Variants in DOCK2 observed in about 807,000 individuals in gnomAD.
DOCK2 encodes the protein dedicator of cytokinesis protein 2.
DOCK2 carries 87 observed loss-of-function variants against 248.9 expected under a neutral mutation model. The observed-to-expected ratio is 0.35, with a 90% CI of 0.29 to 0.42. DOCK2 has a LOEUF of 0.42. Ranked by LOEUF, DOCK2 falls within the 10% of genes least tolerant of loss-of-function variation. The pLI, the probability that DOCK2 is intolerant of heterozygous loss-of-function variation, is 1.00. For synonymous variants in DOCK2, 805 were observed against 821.6 expected, an observed-to-expected ratio of 0.98 and a Z score of 0.35; for missense variants, 1,747 against 2,300.2, an observed-to-expected ratio of 0.76 and a Z score of 4.92.
intron 28 of DOCK2, among the ~76,000 whole-genome samples, chr5:169,985,175 T>G (rs1383493327): frequency 6.6e-6 from 1 of 152,182 alleles, no homozygotes; most frequent in Non-Finnish European, 1.5e-5. Flanking sequence ...AGTGCTGGGA[T>G]TGCAGGTGGG....
chr5:169,958,121 C>A (rs1776939955), intron 27 of DOCK2, among the ~76,000 whole-genome samples: 1 of 152,098 alleles, frequency 6.6e-6, no homozygotes, highest in South Asian at 2.1e-4. Flanking sequence ...CGTCCACATG[C>A]ACATAGAAGG....
chr5:169,800,944 CTTTTTTTT>C (rs60140740), intron 25 of DOCK2, among the ~76,000 whole-genome samples: 8 of 53,182 alleles, frequency 1.5e-4, no homozygotes, highest in African/African-American at 5.6e-4. Context: ...TTCTTTCTTT[CTTTTTTTT>C]TTTTTTTTTT....
At chr5:169,910,427 ACT>A (rs1774529773) in intron 27 of DOCK2, among the ~76,000 whole-genome samples, 1 of 152,020 alleles carries the variant, frequency 6.6e-6, no homozygotes, top group African/African-American at 2.4e-5. Context: ...TTTATTGCTT[ACT>A]CTCTTAACTT....
intron 27 of DOCK2, among the ~76,000 whole-genome samples, chr5:169,899,113 A>G (rs1295039149): frequency 6.6e-6 from 1 of 152,180 alleles, no homozygotes; most frequent in Non-Finnish European, 1.5e-5. Flanking sequence ...TGATTTGTGG[A>G]TTAGAAGAGA....
intron 46 of DOCK2, among the ~76,000 whole-genome samples, chr5:170,072,160 G>C (rs1757699125): frequency 6.6e-6 from 1 of 152,084 alleles, no homozygotes; most frequent in Admixed American, 6.5e-5. Flanking sequence ...GATTTGCTTG[G>C]TCATAGCATG....
intron 27 of DOCK2, among the ~76,000 whole-genome samples, chr5:169,889,970 T>A (rs1773189581): frequency 6.6e-6 from 1 of 151,854 alleles, no homozygotes; most frequent in Admixed American, 6.5e-5. Context: ...TAACCTTTAC[T>A]GTTTACACCA....
In DOCK2 at chr5:170,004,671, T is replaced by C. The variant is rs1186718492; in HGVS notation, c.3073-3826T>C. ...AGCAAAGACTTGGAACCAACCCAAA[T>C]GTCCAACAATGATAGACTGGATTAA... On this transcript the variant is annotated intron_variant, in intron 30 of 51. Coordinates refer to ENST00000520908, the MANE Select transcript of DOCK2 (RefSeq NM_004946.3). Among the ~76,000 whole-genome samples the C allele has an allele frequency of 2.7e-5, 4 of 147,478 alleles. No homozygotes were observed. In the Admixed American group the frequency reaches 2.7e-4, roughly 10 times the overall value.
At chr5:169,642,790 C>A (rs1187679530) in intron 1 of DOCK2, among the ~76,000 whole-genome samples, 1 of 152,126 alleles carries the variant, frequency 6.6e-6, no homozygotes, top group Non-Finnish European at 1.5e-5. Context: ...ACATCTTGCC[C>A]CTGACCATAA....
chr5:169,897,628 G>A (rs545220332), intron 27 of DOCK2, among the ~76,000 whole-genome samples: 1 of 152,332 alleles, frequency 6.6e-6, no homozygotes, highest in Admixed American at 6.5e-5. Flanking sequence ...CCATGGTTGA[G>A]AGCCTGGGGA....
At chr5:169,802,358 C>T (rs1002493097) in intron 25 of DOCK2, among the ~76,000 whole-genome samples, 5 of 152,088 alleles carry the variant, frequency 3.3e-5, no homozygotes, top group African/African-American at 9.7e-5. Flanking sequence ...GACAGGTTTT[C>T]GCCACGTTGG....
At chr5:169,987,740 C>G (rs2113789965) in intron 29 of DOCK2, among the ~76,000 whole-genome samples, 1 of 152,188 alleles carries the variant, frequency 6.6e-6, no homozygotes, top group East Asian at 1.9e-4. Flanking sequence ...AATGTAATTT[C>G]CTAACGGACC....
intron 27 of DOCK2, among the ~76,000 whole-genome samples, chr5:169,852,674 G>A (rs1308984994): frequency 6.6e-6 from 1 of 152,182 alleles, no homozygotes; most frequent in Non-Finnish European, 1.5e-5. Context: ...TAGGCCCTTG[G>A]TTAATAATAG....
At chr5:170,031,915 GCAGCTGCTCAGGAAC>G (rs1756149498) in intron 34 of DOCK2, among the ~76,000 whole-genome samples, 1 of 152,166 alleles carries the variant, frequency 6.6e-6, no homozygotes, top group African/African-American at 2.4e-5. Flanking sequence ...TGTTAGTAAG[GCAGCTGCTCAGGAAC>G]CAGCCCAGAT....
At position 169,825,591 on chromosome 5, in the gene DOCK2, C is replaced by G. The variant is rs35426850; in HGVS notation, c.2704-15166C>G. Among the ~76,000 whole-genome samples, 381 of 132,190 alleles carry G rather than the reference C, an allele frequency of 2.9e-3. 12 individuals are homozygous for G. In the East Asian group the frequency reaches 0.07, roughly 24 times the overall value. The allele number at this position is 132,190 out of a possible 152,430, so 86.7% of individuals were successfully genotyped here. ...ACAATGAGAACACTTGGACGCAGGG[C>G]GGGGAACATCACACACTGGGGCCTG... On this transcript the variant is annotated intron_variant, in intron 26 of 51. Coordinates refer to ENST00000520908, the MANE Select transcript of DOCK2 (RefSeq NM_004946.3).
chr5:170,023,755 A>C (rs1028873061), intron 33 of DOCK2, among the ~76,000 whole-genome samples: 1 of 152,216 alleles, frequency 6.6e-6, no homozygotes, highest in African/African-American at 2.4e-5. Context: ...GGTCAAAGGC[A>C]GACTTACTGG....
intron 3 of DOCK2, among the ~76,000 whole-genome samples, chr5:169,669,597 G>A (rs1051179481): frequency 1.3e-5 from 2 of 152,060 alleles, no homozygotes; most frequent in South Asian, 2.1e-4. Flanking sequence ...TCCCTTCCTC[G>A]AGTCTCTGTG....
chr5:169,856,924 G>A lies in DOCK2; in HGVS notation c.2799+16072G>A, dbSNP rs536908307. ...TTTAAGAAATAAAGGTTTTTGTCAG[G>A]AGCAAACATATGGGTTTCATTTGAG... On this transcript the variant is annotated intron_variant, in intron 27 of 51. Transcript: ENST00000520908. Among the ~76,000 whole-genome samples the A allele has an allele frequency of 2.6e-4, 39 of 152,288 alleles. No individual in the cohort carries two copies. In the East Asian group the frequency reaches 7.3e-3, roughly 29 times the overall value.
intron 39 of DOCK2, among the ~76,000 whole-genome samples, chr5:170,046,341 G>T (rs532690412): frequency 6.6e-6 from 1 of 152,322 alleles, no homozygotes; most frequent in South Asian, 2.1e-4. Flanking sequence ...AGGATTTGGT[G>T]GGGGAAGTGG....
chr5:169,658,909 C>T (rs1206209054), intron 2 of DOCK2, among the ~76,000 whole-genome samples: 1 of 151,418 alleles, frequency 6.6e-6, no homozygotes, highest in Non-Finnish European at 1.5e-5. Context: ...ATAACAATCA[C>T]TTACATTCCA....
Sources: allele counts gnomAD v4.1 joint callset (sites outside exome capture counted in the v4.1 genomes callset), GRCh38; gene constraint gnomAD v4.1.1; transcripts MANE v1.5; gene names NCBI Gene and HGNC (gene_info 2026-07-23, HGNC 2026-07-21).